Variants in NFATC2 observed in about 807,000 individuals in gnomAD.
NFATC2 encodes the protein nuclear factor of activated T-cells, cytoplasmic 2.
A neutral mutation model predicts 87.3 loss-of-function variants in NFATC2; 22 were observed. That is an observed-to-expected ratio of 0.25 (90% CI 0.18 to 0.36). The LOEUF is 0.36. NFATC2 is among the 10% of genes least tolerant of loss of function. The pLI, the probability that NFATC2 is intolerant of heterozygous loss-of-function variation, is 1.00. For missense variants in NFATC2, 1,149 were observed against 1,259.1 expected, an observed-to-expected ratio of 0.91 and a Z score of 1.32; for synonymous variants, 565 against 542.2, an observed-to-expected ratio of 1.04 and a Z score of -0.58.
chr20:51,521,822 A>T (rs1352308172), intron 2 of NFATC2, among the ~76,000 whole-genome samples: 1 of 152,194 alleles, frequency 6.6e-6, no homozygotes, highest in East Asian at 1.9e-4. Context: ...AATAATACAA[A>T]CCAAGTTTCT....
At chr20:51,458,115 G>A (rs1035946500) in intron 5 of NFATC2, among the ~76,000 whole-genome samples, 24 of 152,106 alleles carry the variant, frequency 1.6e-4, no homozygotes, top group Non-Finnish European at 2.8e-4. Flanking sequence ...GGGCTCAAGC[G>A]ATCTGCCTGC....
At chr20:51,561,357 G>A (rs1253811762) in intron 1 of NFATC2, among the ~76,000 whole-genome samples, 3 of 117,148 alleles carry the variant, frequency 2.6e-5, no homozygotes, top group South Asian at 2.6e-4. Flanking sequence ...GAGAGAGAAA[G>A]AAAAGAAAGA....
chr20:51,484,821 G>A (rs542591629), intron 3 of NFATC2, among the ~76,000 whole-genome samples: 74 of 152,304 alleles, frequency 4.9e-4, no homozygotes, highest in African/African-American at 1.7e-3. Context: ...GGAGCCCTGC[G>A]CCTGCTTTCT....
intron 6 of NFATC2, among the ~76,000 whole-genome samples, chr20:51,448,022 A>T (rs1268507817): frequency 1.3e-5 from 2 of 152,180 alleles, no homozygotes; most frequent in African/African-American, 2.4e-5. Flanking sequence ...AAAGAGATGC[A>T]TTCATTCAAC....
At chr20:51,408,793 C>T (rs1267506766) in intron 9 of NFATC2, among the ~76,000 whole-genome samples, 1 of 152,108 alleles carries the variant, frequency 6.6e-6, no homozygotes, top group African/African-American at 2.4e-5. Context: ...GATTTTCTGA[C>T]CCACTGCTTT....
chr20:51,527,390 A>C (rs1406234327), intron 1 of NFATC2, among the ~76,000 whole-genome samples: 1 of 152,058 alleles, frequency 6.6e-6, no homozygotes, highest in Non-Finnish European at 1.5e-5. Flanking sequence ...CCACTTGACT[A>C]GCTCAGGCCC....
At chr20:51,433,762 T>C (rs1415601427) in intron 8 of NFATC2, among the ~76,000 whole-genome samples, 1,548 of 99,924 alleles carry the variant, frequency 0.015, 26 homozygotes, top group African/African-American at 0.074. Context: ...TGCATGCATG[T>C]GTGTGTGTGT....
At chr20:51,504,862 A>G (rs952222766) in intron 3 of NFATC2, among the ~76,000 whole-genome samples, 1 of 152,086 alleles carries the variant, frequency 6.6e-6, no homozygotes, top group Non-Finnish European at 1.5e-5. Flanking sequence ...CCTGATATAG[A>G]CTCAAATATG....
At chr20:51,492,420 C>T (rs939664392) in intron 3 of NFATC2, among the ~76,000 whole-genome samples, 3 of 152,212 alleles carry the variant, frequency 2.0e-5, no homozygotes, top group African/African-American at 7.2e-5. Flanking sequence ...GAAGTGGGCG[C>T]CTGCTGCGCT....
chr20:51,438,012 GA>G (rs1392613689), intron 6 of NFATC2, among the ~76,000 whole-genome samples: 1 of 51,092 alleles, frequency 2.0e-5, no homozygotes, highest in Non-Finnish European at 6.5e-5. Context: ...AGGCATGTCT[GA>G]TGCTCAAAAG....
At chr20:51,520,972 T>G (rs1309981726) in intron 2 of NFATC2, among the ~76,000 whole-genome samples, 1 of 152,150 alleles carries the variant, frequency 6.6e-6, no homozygotes. Context: ...TTTTCTAAGA[T>G]AGCCCTGTGA....
chr20:51,398,275 CCGGACACCCACCA>C (rs986906273), intron 10 of NFATC2, among the ~76,000 whole-genome samples: 19 of 152,184 alleles, frequency 1.2e-4, no homozygotes, highest in Non-Finnish European at 2.4e-4. Flanking sequence ...TTCCCCAGTG[CCGGACACCCACCA>C]CGGATGGAGA....
chr20:51,519,751 TAAAA>T lies in NFATC2; in HGVS notation c.1161-2800_1161-2797del, dbSNP rs66928164. 3.3e-4 allele frequency among the ~76,000 whole-genome samples: 41 copies of T among 122,688 alleles called. 1 individual carries two copies. Among genetic ancestry groups the T allele is most frequent in the African/African-American group, 8.6e-4 (28 of 32,380 alleles). 80.5% of individuals were successfully genotyped at this position (122,688 alleles called of 152,430 possible). On this transcript the variant is annotated intron_variant, in intron 2 of 10. Transcript: ENST00000371564. The stretch of plus-strand genomic sequence containing the variant: ...CAACATGGTGAAACCCCATCTCTAC[TAAAA>T]AAAAAAAAAAAAAAGCCAGGTGTGG...
At chr20:51,391,579 G>T in intron 10 of NFATC2, 128 bp from the exon 11 acceptor site, 1 of 1,006,904 alleles carries the variant, frequency 9.9e-7, no homozygotes, top group South Asian at 1.5e-5. Flanking sequence ...GTCTTGCTCT[G>T]TCACCCAGGC....
At chr20:51,561,493 AAGC>A (rs2077031345) in intron 1 of NFATC2, among the ~76,000 whole-genome samples, 2 of 95,050 alleles carry the variant, frequency 2.1e-5, no homozygotes, top group Non-Finnish European at 4.4e-5. Context: ...GAAAGCAAGC[AAGC>A]AAGCAAGCAA....
At chr20:51,434,054 C>T (rs914347160) in intron 8 of NFATC2, among the ~76,000 whole-genome samples, 8 of 152,120 alleles carry the variant, frequency 5.3e-5, no homozygotes, top group Non-Finnish European at 1.2e-4. Flanking sequence ...AGTCTAGAGC[C>T]CCCCCAGCAA....
At chr20:51,409,800 G>T (rs1268932761) in intron 9 of NFATC2, among the ~76,000 whole-genome samples, 1 of 152,214 alleles carries the variant, frequency 6.6e-6, no homozygotes, top group African/African-American at 2.4e-5. Context: ...TCAGTACAAA[G>T]ATGGCAAAGA....
chr20:51,427,978 G>A (rs1982102714), intron 9 of NFATC2, among the ~76,000 whole-genome samples: 1 of 152,164 alleles, frequency 6.6e-6, no homozygotes, highest in African/African-American at 2.4e-5. Flanking sequence ...TGTTCACTTA[G>A]TGGATCCCTA....
Position 51,388,235 on chromosome 20 carries a change from TAAAATC to T in NFATC2, c.*3255_*3260del, listed in dbSNP as rs1985971250. 1 of 152,186 alleles carries T rather than the reference TAAAATC, an allele frequency of 6.6e-6. No individual in the cohort carries two copies. Among genetic ancestry groups the T allele is most frequent in the African/African-American group, 2.4e-5 (1 of 41,452 alleles). 9.4% of individuals were successfully genotyped at this position (152,186 alleles called of 1,614,324 possible). On this transcript the variant is annotated 3_prime_UTR_variant, in exon 11 of 11. Coordinates refer to ENST00000371564, the MANE Select transcript of NFATC2 (RefSeq NM_012340.5). ...AGGCAGGGTTTTGGTGTCAATTTTT[TAAAATC>T]AAAATCACCTACTAAATTAGTTATT... is the stretch of plus-strand genomic sequence containing the variant.
Sources: allele counts gnomAD v4.1 joint callset (sites outside exome capture counted in the v4.1 genomes callset), GRCh38; gene constraint gnomAD v4.1.1; transcripts MANE v1.5; gene names NCBI Gene and HGNC (gene_info 2026-07-23, HGNC 2026-07-21).